The following MYO5B variants were observed in gnomAD, a reference collection of about 807,000 sequenced individuals.
MYO5B encodes the protein myosin VB.
Under a neutral mutation model 229.3 loss-of-function variants are expected in MYO5B, and 143 were observed. That is an observed-to-expected ratio of 0.62 (90% CI 0.54 to 0.72). The LOEUF is 0.72. Among genes scored for constraint, MYO5B ranks in the 30% least tolerant of loss-of-function variants. MYO5B has a pLI of 0.00. For synonymous variants in MYO5B, 918 were observed against 885.2 expected (o/e 1.04, Z -0.66); for missense variants, 2,321 against 2,331.0 (o/e 1.00, Z 0.09).
intron 1 of MYO5B, among the ~76,000 whole-genome samples, chr18:50,147,208 C>T (rs1355799901): frequency 6.6e-6 from 1 of 152,202 alleles, no homozygotes; most frequent in Non-Finnish European, 1.5e-5. Context: ...TCAGAGCCTT[C>T]ATCTTCCCCA....
intron 1 of MYO5B, among the ~76,000 whole-genome samples, chr18:50,079,622 T>C (rs932992564): frequency 2.0e-5 from 3 of 152,160 alleles, no homozygotes; most frequent in East Asian, 1.9e-4. Context: ...TGGATGACTA[T>C]GAATGGCTGA....
chr18:49,953,865 T>C (rs1342129776), intron 13 of MYO5B, among the ~76,000 whole-genome samples: 1 of 151,758 alleles, frequency 6.6e-6, no homozygotes, highest in African/African-American at 2.4e-5. Context: ...GGTAGACTGT[T>C]AACTGCTTTA....
Position 49,853,508 on chromosome 18 carries a change from C to T in MYO5B, c.4162G>A (p.Glu1388Lys). 6.2e-7 allele frequency: 1 copy of T among 1,614,214 alleles called. No individual in the cohort carries two copies. Among genetic ancestry groups the T allele is most frequent in the Non-Finnish European group, 8.5e-7 (1 of 1,180,038 alleles). Residue 1388 changes from glutamate to lysine, a missense_variant, in exon 31 of 40, where the codon GAG (glutamate) becomes AAG (lysine). Glu to Lys is a moderately conservative substitution (Grantham distance 56). Transcript: ENST00000285039. The stretch of plus-strand genomic sequence containing the variant: ...TGAACGCCGAATTCCACCTGGGCCT[C>T]TGGGGAGAGCAGTAGCGTCTGGCAG... ...TFCQTLLLSP[E>K]AQVEFGVQQE...
In MYO5B at chr18:49,915,399, G is replaced by A. The variant is rs146260723; in HGVS notation, c.2091-3226C>T. Among the ~76,000 whole-genome samples, 503 of 152,300 alleles carry A rather than the reference G, an allele frequency of 3.3e-3. 5 individuals are homozygous for A. The highest frequency in any genetic ancestry group is 0.01 in the African/African-American group (432 of 41,560). The stretch of plus-strand genomic sequence containing the variant: ...CGCACGTAGTGGCACAAGGGAACAA[G>A]AGCCCGTATTCAGCTCAGAGCTCAT... On this transcript the variant is annotated intron_variant, in intron 17 of 39. Transcript: ENST00000285039.
chr18:49,896,701 C>G (rs567885542), intron 21 of MYO5B, among the ~76,000 whole-genome samples: 2 of 152,272 alleles, frequency 1.3e-5, no homozygotes, highest in Admixed American at 6.5e-5. Context: ...CTGCTATTGA[C>G]AAAGATGGCA....
chr18:49,997,369 CTTTTTTTTTTTTT>C (rs34011258), intron 5 of MYO5B, among the ~76,000 whole-genome samples: 4 of 60,348 alleles, frequency 6.6e-5, no homozygotes, highest in South Asian at 1.2e-3. Context: ...TCCTTTCTTT[CTTTTTTTTTTTTT>C]TTTTTTTTTT....
intron 22 of MYO5B, among the ~76,000 whole-genome samples, chr18:49,887,734 G>A (rs1293881291): frequency 1.3e-5 from 2 of 152,120 alleles, no homozygotes; most frequent in African/African-American, 4.8e-5. Context: ...AGACTGGATT[G>A]CAGTGGCGCG....
At chr18:50,160,726 C>T (rs976044644) in intron 1 of MYO5B, among the ~76,000 whole-genome samples, 2 of 152,200 alleles carry the variant, frequency 1.3e-5, no homozygotes, top group Non-Finnish European at 2.9e-5. Context: ...TTCACCCACT[C>T]ATCCTAGTTG....
At position 50,160,137 on chromosome 18, in the gene MYO5B, A is replaced by G. The variant is rs1025755304; in HGVS notation, c.27+34630T>C. Reference sequence around the variant, plus strand: ...AGCGGATGATAAAACACCAAGCAAGAATATCCACCGTAAGCATGGAAGCAG... The same window carrying G: ...AGCGGATGATAAAACACCAAGCAAGGATATCCACCGTAAGCATGGAAGCAG... On this transcript the variant is annotated intron_variant, in intron 1 of 39. Transcript: ENST00000285039. Among the ~76,000 whole-genome samples, 4 of 152,240 alleles carry G rather than the reference A, an allele frequency of 2.6e-5. No homozygotes were observed. The East Asian group carries it at 7.7e-4, about 29-fold the overall frequency.
intron 24 of MYO5B, among the ~76,000 whole-genome samples, chr18:49,878,702 G>A (rs2024553573): frequency 6.6e-6 from 1 of 152,286 alleles, no homozygotes; most frequent in East Asian, 1.9e-4. Flanking sequence ...ACACACTTGG[G>A]TAGAATGTTC....
chr18:49,966,968 T>C (rs2025633013), intron 10 of MYO5B, among the ~76,000 whole-genome samples: 1 of 152,244 alleles, frequency 6.6e-6, no homozygotes, highest in Non-Finnish European at 1.5e-5. Flanking sequence ...CAGAGAAGAC[T>C]TTTTAAAATA....
chr18:50,021,718 T>TTA (rs1555651875), intron 4 of MYO5B, among the ~76,000 whole-genome samples: 1 of 119,568 alleles, frequency 8.4e-6, no homozygotes, highest in African/African-American at 3.2e-5. Flanking sequence ...CCCATCTGCG[T>TTA]AAAAAAAAAA....
At chr18:49,880,247 T>C (rs747883521) in intron 23 of MYO5B, 124 bp downstream of exon 23, 68 of 857,150 alleles carry the variant, frequency 7.9e-5, no homozygotes, top group Non-Finnish European at 1.2e-4. Context: ...CATCTTCTTC[T>C]ATTAAAATCC....
At position 49,872,153 on chromosome 18, in the gene MYO5B, C is replaced by T. The variant is rs1282025103; in HGVS notation, c.3603+14G>A. The T allele has an allele frequency of 6.2e-7, 1 of 1,613,558 alleles. No homozygotes were observed. The highest frequency in any genetic ancestry group is 2.2e-5 in the East Asian group (1 of 44,870). On this transcript the variant is annotated intron_variant, in intron 27 of 39. Transcript: ENST00000285039. ...GGGGAGTGTTCCAGGAAGCCTGTCC[C>T]CCAAGAATCTTACCTTCAGACTATT... is the stretch of plus-strand genomic sequence containing the variant.
intron 1 of MYO5B, among the ~76,000 whole-genome samples, chr18:50,188,820 C>CAA (rs2033189402): frequency 1.5e-5 from 1 of 67,286 alleles, no homozygotes; most frequent in African/African-American, 4.1e-5. Context: ...AAAAAAAACA[C>CAA]ACACACCTAT....
In MYO5B at chr18:49,931,066, C is replaced by T. The variant is rs1790788; in HGVS notation, c.2004-1468G>A. ...CATCAGAAGGGACGAGGAACAAATGCTCCCTTTCCTTCTGACTGTCCTGCA... is the reference window on the plus strand; with the variant it reads ...CATCAGAAGGGACGAGGAACAAATGTTCCCTTTCCTTCTGACTGTCCTGCA... On this transcript the variant is annotated intron_variant, in intron 16 of 39. Coordinates refer to ENST00000285039, the MANE Select transcript of MYO5B (RefSeq NM_001080467.3). 3.1e-3 allele frequency among the ~76,000 whole-genome samples: 478 copies of T among 152,252 alleles called. 3 individuals carry two copies. The highest frequency in any genetic ancestry group is 0.011 in the African/African-American group (464 of 41,544).
At chr18:49,917,985 G>T (rs1379178628) in intron 17 of MYO5B, among the ~76,000 whole-genome samples, 2 of 152,170 alleles carry the variant, frequency 1.3e-5, no homozygotes, top group African/African-American at 4.8e-5. Flanking sequence ...GCCAATATGG[G>T]ATGGGCCAGG....
intron 4 of MYO5B, among the ~76,000 whole-genome samples, chr18:50,027,167 T>G (rs1190681828): frequency 6.6e-6 from 1 of 152,240 alleles, no homozygotes; most frequent in East Asian, 1.9e-4. Context: ...CTTCACATTC[T>G]ATTAGCTTTT....
rs149415997 is a variant in MYO5B at position 49,860,020 on chromosome 18, G to C, written c.3945-3130C>G. Among the ~76,000 whole-genome samples the C allele has an allele frequency of 7.2e-3, 1,103 of 152,294 alleles. 5 individuals are homozygous for C. Among genetic ancestry groups the C allele is most frequent in the Non-Finnish European group, 0.012 (841 of 68,018 alleles). On this transcript the variant is annotated intron_variant, in intron 29 of 39. Coordinates refer to ENST00000285039, the MANE Select transcript of MYO5B (RefSeq NM_001080467.3). ...GGGTGTGAATAATAACCCCAGGTGC[G>C]CCCGACCAAGCCCAGGTGCCAATGC...
Sources: gnomAD v4.1 joint callset for allele counts (sites outside exome capture counted in the v4.1 genomes callset) on GRCh38, gnomAD v4.1.1 for gene constraint, MANE v1.5 for transcripts, NCBI Gene and HGNC (gene_info 2026-07-23, HGNC 2026-07-21) for gene names.